FNDC3B: variants seen among roughly 807,000 people sequenced by gnomAD.
The protein encoded by FNDC3B is fibronectin type III domain containing 3B, also known as fibronectin type III domain-containing protein 3B.
A neutral mutation model predicts 151.5 loss-of-function variants in FNDC3B; 12 were observed. The observed-to-expected ratio is 0.08, with a 90% CI of 0.05 to 0.13. The LOEUF (loss-of-function observed/expected upper bound fraction) is 0.13. FNDC3B is among the 10% of genes least tolerant of loss of function. FNDC3B has a pLI of 1.00. For missense variants in FNDC3B, 1,214 were observed against 1,505.3 expected (o/e 0.81, Z 3.20); for synonymous variants, 528 against 549.0 (o/e 0.96, Z 0.54).
rs201349640 is a variant in FNDC3B, at chr3:172,266,147, G to A, written c.790+14606G>A. 9.8e-5 allele frequency among the ~76,000 whole-genome samples: 15 copies of A among 152,292 alleles called. No individual in the cohort carries two copies. The East Asian group carries it at 2.9e-3, about 29-fold the overall frequency. Reference sequence around the variant, plus strand: ...AGGAGAATGGATTAAAAATAAATTTGTAATAAACTCTAGCACAGTCTTGCC... The same window carrying A: ...AGGAGAATGGATTAAAAATAAATTTATAATAAACTCTAGCACAGTCTTGCC... On this transcript the variant is annotated intron_variant, in intron 6 of 25. Coordinates refer to ENST00000415807, the MANE Select transcript of FNDC3B (RefSeq NM_022763.4).
In FNDC3B at chr3:172,040,277, GC is replaced by G. The variant is rs201737814; in HGVS notation, c.-29+507del. 2.0e-5 allele frequency among the ~76,000 whole-genome samples: 3 copies of G among 152,194 alleles called. No individual in the cohort carries two copies. Among genetic ancestry groups the G allele is most frequent in the African/African-American group, 7.2e-5 (3 of 41,530 alleles). ...ATTTCCATATGGTGGAGGGAAGAGG[GC>G]GGGAGTGCGAAGTGGGGCTGGAAGT... On this transcript the variant is annotated intron_variant, in intron 1 of 25. Coordinates refer to ENST00000415807, the MANE Select transcript of FNDC3B (RefSeq NM_022763.4). The surrounding 1 kb of genome is among the most constrained non-coding windows in gnomAD (Gnocchi z 6.6).
chr3:172,054,506 A>G (rs1475234799), intron 1 of FNDC3B, among the ~76,000 whole-genome samples: 1 of 152,208 alleles, frequency 6.6e-6, no homozygotes. Flanking sequence ...AGGGGTGTAG[A>G]CAAAGACACT....
At chr3:172,112,424 T>C in intron 1 of FNDC3B, 28 bp from the exon 2 acceptor site, 1 of 1,280,162 alleles carries the variant, frequency 7.8e-7, no homozygotes, top group East Asian at 2.3e-5. Flanking sequence ...TTCTGAGTCC[T>C]TTTTAAAAAG....
At chr3:172,100,738 C>T (rs1301299080) in intron 1 of FNDC3B, among the ~76,000 whole-genome samples, 1 of 152,218 alleles carries the variant, frequency 6.6e-6, no homozygotes, top group East Asian at 1.9e-4. Context: ...TGTTCGGTCA[C>T]ATTAAGTGAA....
chr3:172,177,517 A>G (rs548719286), intron 3 of FNDC3B, among the ~76,000 whole-genome samples: 164 of 151,962 alleles, frequency 1.1e-3, no homozygotes, highest in African/African-American at 3.9e-3. Flanking sequence ...TCTTGGAGAT[A>G]GAGATGGAAA....
At chr3:172,363,015 C>T (rs966640000) in intron 23 of FNDC3B, among the ~76,000 whole-genome samples, 170 bp downstream of exon 23, 1 of 151,698 alleles carries the variant, frequency 6.6e-6, no homozygotes, top group East Asian at 1.9e-4. Flanking sequence ...CTTTTATTCT[C>T]TATTTGGAAT....
chr3:172,204,192 T>C (rs1285666136), intron 3 of FNDC3B, among the ~76,000 whole-genome samples: 1 of 152,116 alleles, frequency 6.6e-6, no homozygotes, highest in Non-Finnish European at 1.5e-5. Flanking sequence ...GAGAGAGAAA[T>C]ATTTCTTTCA....
chr3:172,213,828 CAGTT>C (rs1725844638), intron 3 of FNDC3B, among the ~76,000 whole-genome samples: 1 of 152,168 alleles, frequency 6.6e-6, no homozygotes, highest in Admixed American at 6.5e-5. Flanking sequence ...AGCAGTGAAT[CAGTT>C]AGGAGACCTT....
chr3:172,279,921 G>A (rs974794923), intron 6 of FNDC3B, among the ~76,000 whole-genome samples: 3 of 151,726 alleles, frequency 2.0e-5, no homozygotes, highest in African/African-American at 7.3e-5. Context: ...TGTTGTTGTT[G>A]TTGTTTGTTT....
At chr3:172,342,034 G>C (rs1418017287) in intron 17 of FNDC3B, among the ~76,000 whole-genome samples, 1 of 152,244 alleles carries the variant, frequency 6.6e-6, no homozygotes, top group East Asian at 1.9e-4. Context: ...CATTTAAAAT[G>C]AAAGAGAAGG....
intron 9 of FNDC3B, chr3:172,302,164 T>C (rs1215623767): frequency 1.3e-5 from 2 of 152,368 alleles, no homozygotes; most frequent in East Asian, 3.9e-4. Flanking sequence ...TATCTTCATA[T>C]AATGCTTTTT....
At chr3:172,111,541 C>T (rs1269210103) in intron 1 of FNDC3B, among the ~76,000 whole-genome samples, 2 of 151,922 alleles carry the variant, frequency 1.3e-5, no homozygotes, top group Non-Finnish European at 2.9e-5. Flanking sequence ...TAAAATTTTG[C>T]CTATTTAAAG....
intron 23 of FNDC3B, among the ~76,000 whole-genome samples, chr3:172,365,644 C>A (rs1734586360): frequency 6.6e-6 from 1 of 152,108 alleles, no homozygotes; most frequent in African/African-American, 2.4e-5. Context: ...TTCTGGCTTA[C>A]AATACTGAAG....
chr3:172,378,221 G>T (rs1380524507), intron 23 of FNDC3B, 49 bp from the exon 24 acceptor site: 1 of 1,480,584 alleles, frequency 6.8e-7, no homozygotes, highest in South Asian at 1.4e-5. Flanking sequence ...TTAATTTCTT[G>T]TCATTAGTAG....
intron 1 of FNDC3B, among the ~76,000 whole-genome samples, chr3:172,099,163 T>A (rs1576861872): frequency 1.3e-5 from 2 of 152,220 alleles, no homozygotes; most frequent in South Asian, 4.1e-4. Context: ...TGAATGCAAA[T>A]CAATTAGCTG....
chr3:172,370,379 G>A (rs551822274), intron 23 of FNDC3B, among the ~76,000 whole-genome samples: 46 of 152,294 alleles, frequency 3.0e-4, no homozygotes, highest in African/African-American at 1.1e-3. Flanking sequence ...TCTTCCTTCA[G>A]TTGCACTTGA....
intron 3 of FNDC3B, among the ~76,000 whole-genome samples, chr3:172,140,485 T>C (rs998361418): frequency 2.6e-5 from 4 of 152,192 alleles, no homozygotes; most frequent in Non-Finnish European, 4.4e-5. Context: ...CCTCTCAACA[T>C]GGACTGATGC....
chr3:172,370,320 A>G (rs1019186779), intron 23 of FNDC3B, among the ~76,000 whole-genome samples: 6 of 152,164 alleles, frequency 3.9e-5, no homozygotes, highest in South Asian at 2.1e-4. Flanking sequence ...ATTTCCCCCT[A>G]TAGTGATTTA....
chr3:172,136,419 A>G (rs1166177381), intron 3 of FNDC3B, among the ~76,000 whole-genome samples: 1 of 152,118 alleles, frequency 6.6e-6, no homozygotes, highest in Admixed American at 6.5e-5. Flanking sequence ...TTCTGCCCCA[A>G]ATCAGGTTTG....
Sources: allele counts gnomAD v4.1 joint callset (sites outside exome capture counted in the v4.1 genomes callset), GRCh38; gene constraint gnomAD v4.1.1; non-coding constraint Gnocchi (gnomAD v3.1); transcripts MANE v1.5; gene names NCBI Gene and HGNC (gene_info 2026-07-23, HGNC 2026-07-21).